RNPC3: variants seen among roughly 807,000 people sequenced by gnomAD.
RNPC3 encodes RNA binding region (RNP1, RRM) containing 3.
RNPC3 carries 48 observed loss-of-function variants against 67.5 expected under a neutral mutation model. The ratio of observed to expected loss-of-function variants is 0.71; its 90% CI spans 0.56 to 0.90. The LOEUF is 0.90. Among genes scored for constraint, RNPC3 ranks in the 40% least tolerant of loss-of-function variants. The pLI, the probability that RNPC3 is intolerant of heterozygous loss-of-function variation, is 0.00. For missense variants in RNPC3, 637 were observed against 626.1 expected, an observed-to-expected ratio of 1.02 and a Z score of -0.19; for synonymous variants, 239 against 210.3, an observed-to-expected ratio of 1.14 and a Z score of -1.18.
intron 9 of RNPC3, 65 bp from the exon 10 acceptor site, chr1:103,544,876 G>A (rs1651207017): frequency 9.9e-7 from 1 of 1,006,894 alleles, no homozygotes; most frequent in Non-Finnish European, 1.4e-6. Context: ...AATAGGAGGT[G>A]GGGACCCAAA....
intron 2 of RNPC3, among the ~76,000 whole-genome samples, chr1:103,528,967 G>A (rs1557755123): frequency 6.6e-6 from 1 of 152,142 alleles, no homozygotes; most frequent in Non-Finnish European, 1.5e-5. Flanking sequence ...AGGAAGGGAA[G>A]CCTTAAATCA....
At position 103,546,981 on chromosome 1, in the gene RNPC3, T is replaced by G; in HGVS notation, c.1307T>G (p.Leu436Arg). The G allele has an allele frequency of 6.8e-7, 1 of 1,467,060 alleles. No homozygotes were observed. Among genetic ancestry groups the G allele is most frequent in the Non-Finnish European group, 9.2e-7 (1 of 1,090,606 alleles). 90.9% of individuals were successfully genotyped at this position (1,467,060 alleles called of 1,614,324 possible). ...TTTTTCTTATTGAAATTCTAGGACCTTAAATATATTTTTGGAAGATATGTT... is the reference window on the plus strand; with the variant it reads ...TTTTTCTTATTGAAATTCTAGGACCGTAAATATATTTTTGGAAGATATGTT... ...NLAKHVQEKDLKYIFGRYVDF... is the reference protein window; with the variant it reads ...NLAKHVQEKDRKYIFGRYVDF... Residue 436 changes from leucine (L) to arginine (R), a missense_variant, in exon 12 of 15, where the codon CTT becomes CGT. By Grantham distance (102) the Leu-to-Arg change is moderately radical. This residue lies in a region of RNPC3 where 96 missense variants were observed against 105.8 expected (regional missense o/e 0.91). Coordinates refer to ENST00000423855, the MANE Select transcript of RNPC3 (RefSeq NM_017619.4).
chr1:103,544,065 G>A (rs1236681477), intron 9 of RNPC3, among the ~76,000 whole-genome samples: 5 of 151,642 alleles, frequency 3.3e-5, no homozygotes, highest in Non-Finnish European at 7.4e-5. Context: ...CCAAAACAAA[G>A]TAAAATTGTT....
In RNPC3 at chr1:103,526,212, A is replaced by T; in HGVS notation, c.142A>T (p.Lys48Ter). The T allele has an allele frequency of 6.4e-7, 1 of 1,551,296 alleles. No homozygotes were observed. Among genetic ancestry groups the T allele is most frequent in the Non-Finnish European group, 8.7e-7 (1 of 1,146,830 alleles). Residue 48 changes from lysine to a stop codon, truncating the protein, a stop_gained, in exon 1 of 15, where the codon AAG becomes TAG. Coordinates refer to ENST00000423855, the MANE Select transcript of RNPC3 (RefSeq NM_017619.4). LOFTEE classifies it high-confidence loss of function. Reference sequence around the variant, plus strand: ...TGCTGAGGAGAAAGAGGACTTGCTGAAGTACTTCGGGGCTCAGTCTGTGCG... The same window carrying T: ...TGCTGAGGAGAAAGAGGACTTGCTGTAGTACTTCGGGGCTCAGTCTGTGCG... ...LTAEEKEDLL[K>*]YFGAQSVRVL... is the part of the protein sequence containing the mutation.
At chr1:103,526,559 CT>C (rs1301610426) in intron 1 of RNPC3, among the ~76,000 whole-genome samples, 2 of 152,152 alleles carry the variant, frequency 1.3e-5, no homozygotes, top group African/African-American at 4.8e-5. Context: ...AGCCTCACAA[CT>C]TTTTTGAATT....
Position 103,543,300 on chromosome 1 carries a change from T to A in RNPC3, c.898T>A (p.Leu300Ile), listed in dbSNP as rs1347563701. 1 of 1,429,240 alleles carries A rather than the reference T, an allele frequency of 7.0e-7. No homozygotes were observed. Among genetic ancestry groups the A allele is most frequent in the Non-Finnish European group, 9.1e-7 (1 of 1,099,174 alleles). 88.5% of individuals were successfully genotyped at this position (1,429,240 alleles called of 1,614,324 possible). A position where few individuals can be genotyped will look rare whatever the true frequency, so the allele number is the denominator to read the frequency against. ...NTPLCPSHSS[L>I]HPVLLPSDVF... Reference sequence around the variant, plus strand: ...GCTATGATTGTTTTTAAATAGCAGTTTACATCCAGTGCTGTTACCTTCAGA... The same window carrying A: ...GCTATGATTGTTTTTAAATAGCAGTATACATCCAGTGCTGTTACCTTCAGA... The change falls in exon 9 of 15, where the codon TTA (leucine) becomes ATA (isoleucine). Residue 300 changes from leucine to isoleucine, a missense_variant. Leu to Ile is a conservative substitution (Grantham distance 5). Transcript: ENST00000423855.
rs949502705 is a variant in RNPC3 at position 103,551,757 on chromosome 1, A to G, written c.1531A>G (p.Lys511Glu). 9.8e-6 allele frequency: 15 copies of G among 1,527,518 alleles called. No homozygotes were observed. The highest frequency in any genetic ancestry group is 1.2e-5 in the Non-Finnish European group (14 of 1,133,124). The allele number at this position is 1,527,518 out of a possible 1,614,324, so 94.6% of individuals were successfully genotyped here. A position where few individuals can be genotyped will look rare whatever the true frequency, so the allele number is the denominator to read the frequency against. The change falls in exon 14 of 15, where the codon AAG becomes GAG. Residue 511 changes from lysine to glutamate, a missense_variant. This residue lies in a region of RNPC3 where 96 missense variants were observed against 105.8 expected (regional missense o/e 0.91). Transcript: ENST00000423855. ...ATCTGCTAGACCAAAACAAGATCCT[A>G]AGGAAGGAAAAAGAAAGTGTTAAAA... ...ARSARPKQDP[K>E]EGKRKC
chr1:103,543,199 A>G (rs1302174938), intron 8 of RNPC3, 97 bp from the exon 9 acceptor site: 1 of 833,576 alleles, frequency 1.2e-6, no homozygotes, highest in African/African-American at 1.8e-5. Context: ...GTCCTTTATC[A>G]GTGTTAACTT....
chr1:103,536,481 A>G (rs546541239), intron 6 of RNPC3, among the ~76,000 whole-genome samples: 5 of 152,188 alleles, frequency 3.3e-5, no homozygotes, highest in Non-Finnish European at 5.9e-5. Flanking sequence ...TAACTAAATT[A>G]CCTAAAGATT....
At chr1:103,546,567 T>C (rs1334582923) in intron 11 of RNPC3, 3 of 352,826 alleles carry the variant, frequency 8.5e-6, no homozygotes, top group African/African-American at 4.3e-5. Context: ...GTTTGTGGTA[T>C]GTATTAATTT....
chr1:103,533,622 A>G (rs1467806684), intron 2 of RNPC3, 117 bp from the exon 3 acceptor site: 10 of 639,662 alleles, frequency 1.6e-5, no homozygotes, highest in Non-Finnish European at 2.5e-5. Context: ...AAATTAGGAA[A>G]TAGTCAAGGA....
intron 12 of RNPC3, 114 bp from the exon 13 acceptor site, chr1:103,550,815 AATTGACGTGCCT>A: frequency 1.2e-6 from 1 of 849,544 alleles, no homozygotes; most frequent in Non-Finnish European, 1.9e-6. Context: ...AAAACTGAAT[AATTGACGTGCCT>A]ATCAAATAGT....
chr1:103,536,483 C>G (rs1430252295), intron 6 of RNPC3, among the ~76,000 whole-genome samples: 2 of 152,058 alleles, frequency 1.3e-5, no homozygotes, highest in South Asian at 2.1e-4. Flanking sequence ...ACTAAATTAC[C>G]TAAAGATTTC....
intron 6 of RNPC3, 141 bp from the exon 7 acceptor site, chr1:103,537,201 A>T: frequency 5.6e-6 from 3 of 536,352 alleles, no homozygotes; most frequent in Non-Finnish European, 3.1e-6. Flanking sequence ...CTGCCATACA[A>T]GGTGTTCCCT....
intron 7 of RNPC3, among the ~76,000 whole-genome samples, chr1:103,537,968 C>G (rs1332293100): frequency 6.6e-6 from 1 of 151,946 alleles, no homozygotes; most frequent in African/African-American, 2.4e-5. Context: ...CTCAGCTTCC[C>G]GAGTAGCTGG....
chr1:103,553,206 C>CA (rs1164852545), intron 14 of RNPC3: 2 of 152,136 alleles, frequency 1.3e-5, no homozygotes, highest in African/African-American at 2.4e-5. Context: ...TTTTAAACAT[C>CA]ATTTATTTTA....
chr1:103,543,154 G>A, intron 8 of RNPC3, 142 bp from the exon 9 acceptor site: 1 of 505,910 alleles, frequency 2.0e-6, no homozygotes, highest in Non-Finnish European at 3.2e-6. Context: ...ATAAGTCTAA[G>A]TCACTCACTT....
At position 103,535,777 on chromosome 1, in the gene RNPC3, G is replaced by A. The variant is rs545849410; in HGVS notation, c.555+336G>A. ...ATTGGCAGTAATAACATATTTTTTT[G>A]AAGTACAAAGTATAGATGATGTTTA... On this transcript the variant is annotated intron_variant, in intron 5 of 14. Transcript: ENST00000423855. 1.1e-4 allele frequency among the ~76,000 whole-genome samples: 16 copies of A among 152,088 alleles called. No individual in the cohort carries two copies. In the South Asian group the frequency reaches 3.3e-3, roughly 32 times the overall value.
intron 2 of RNPC3, among the ~76,000 whole-genome samples, chr1:103,528,690 T>C (rs1370036226): frequency 6.6e-6 from 1 of 152,056 alleles, no homozygotes; most frequent in Admixed American, 6.6e-5. Flanking sequence ...TTTAAAAATA[T>C]TAATGAGAGC....
Sources: allele counts gnomAD v4.1 joint callset (sites outside exome capture counted in the v4.1 genomes callset), GRCh38; gene constraint gnomAD v4.1.1; regional missense constraint gnomAD v4.1.1; transcripts MANE v1.5; gene names NCBI Gene and HGNC (gene_info 2026-07-23, HGNC 2026-07-21).